TNR: variants seen among roughly 807,000 people sequenced by gnomAD.
The protein encoded by TNR is tenascin-R.
TNR carries 45 observed loss-of-function variants against 150.4 expected under a neutral mutation model. The observed-to-expected ratio is 0.30, with a 90% CI of 0.24 to 0.38. The LOEUF is 0.38. TNR is among the 10% of genes least tolerant of loss of function. The pLI is 1.00. For missense variants in TNR, 1,544 were observed against 1,759.1 expected (o/e 0.88, Z 2.19); for synonymous variants, 687 against 678.4 (o/e 1.01, Z -0.20).
At chr1:175,380,658 T>C (rs1288489528) in intron 8 of TNR, among the ~76,000 whole-genome samples, 1 of 151,876 alleles carries the variant, frequency 6.6e-6, no homozygotes, top group Admixed American at 6.5e-5. Flanking sequence ...TCAACCACAA[T>C]GCTTGTTCTC....
chr1:175,361,680 T>G (rs1173009727), intron 14 of TNR, among the ~76,000 whole-genome samples: 2 of 152,194 alleles, frequency 1.3e-5, no homozygotes, highest in Non-Finnish European at 2.9e-5. Context: ...CCAGTGAAAT[T>G]AAGCAACTGT....
intron 1 of TNR, among the ~76,000 whole-genome samples, chr1:175,677,147 G>A (rs1486513976): frequency 6.6e-6 from 1 of 152,222 alleles, no homozygotes; most frequent in Non-Finnish European, 1.5e-5. Context: ...AGAAGGGCTG[G>A]CATATAACTG....
chr1:175,516,287 G>A (rs1210076263), intron 2 of TNR, among the ~76,000 whole-genome samples: 2 of 152,152 alleles, frequency 1.3e-5, no homozygotes, highest in Non-Finnish European at 2.9e-5. Context: ...ATTAAAGGGG[G>A]ACTCAGTGAA....
chr1:175,450,452 T>C (rs2102092257), intron 2 of TNR, among the ~76,000 whole-genome samples: 1 of 152,374 alleles, frequency 6.6e-6, no homozygotes, highest in African/African-American at 2.4e-5. Context: ...ACCTCCCTGA[T>C]AGCCGAGGAC....
intron 1 of TNR, among the ~76,000 whole-genome samples, chr1:175,633,562 T>G (rs942575490): frequency 2.0e-5 from 3 of 152,206 alleles, no homozygotes; most frequent in Non-Finnish European, 4.4e-5. Context: ...TACAATTAAT[T>G]AAATATTCTG....
At chr1:175,653,527 T>C (rs1665068609) in intron 1 of TNR, among the ~76,000 whole-genome samples, 1 of 152,054 alleles carries the variant, frequency 6.6e-6, no homozygotes, top group South Asian at 2.1e-4. Flanking sequence ...CACTGGGAAG[T>C]CAGGGAAAAT....
At chr1:175,392,569 C>T (rs967921995) in intron 6 of TNR, among the ~76,000 whole-genome samples, 2 of 152,156 alleles carry the variant, frequency 1.3e-5, no homozygotes, top group African/African-American at 2.4e-5. Context: ...TTGACATGAT[C>T]GTTTCAATTG....
At chr1:175,379,179 C>CAAAA (rs148710947) in intron 9 of TNR, among the ~76,000 whole-genome samples, 1 of 114,796 alleles carries the variant, frequency 8.7e-6, no homozygotes. Context: ...AACTCCGTCT[C>CAAAA]AAAAAAAAAA....
At chr1:175,501,481 G>T (rs1658734756) in intron 2 of TNR, among the ~76,000 whole-genome samples, 1 of 152,200 alleles carries the variant, frequency 6.6e-6, no homozygotes, top group South Asian at 2.1e-4. Flanking sequence ...AACTGACCCA[G>T]CTGAAACATT....
chr1:175,345,964 A>T (rs1473114357), intron 18 of TNR, among the ~76,000 whole-genome samples: 1 of 152,180 alleles, frequency 6.6e-6, no homozygotes, highest in Non-Finnish European at 1.5e-5. Flanking sequence ...AAAGAACAGG[A>T]ACCGGATTAA....
At chr1:175,477,643 A>G (rs914372452) in intron 2 of TNR, among the ~76,000 whole-genome samples, 2 of 152,228 alleles carry the variant, frequency 1.3e-5, no homozygotes, top group African/African-American at 4.8e-5. Flanking sequence ...GAAAGATGCT[A>G]CTGGCTTGGG....
chr1:175,696,756 G>A (rs1666539272), intron 1 of TNR, among the ~76,000 whole-genome samples: 1 of 152,068 alleles, frequency 6.6e-6, no homozygotes, highest in South Asian at 2.1e-4. Context: ...GCACATGCCT[G>A]TAATCCCAGC....
chr1:175,532,503 G>A (rs1358636525), intron 1 of TNR, among the ~76,000 whole-genome samples: 1 of 152,144 alleles, frequency 6.6e-6, no homozygotes, highest in Non-Finnish European at 1.5e-5. Flanking sequence ...TGACCCACTG[G>A]TATTGGCAAG....
At chr1:175,664,829 G>C (rs1006892529) in intron 1 of TNR, among the ~76,000 whole-genome samples, 3 of 152,330 alleles carry the variant, frequency 2.0e-5, no homozygotes, top group Non-Finnish European at 4.4e-5. Context: ...GCTGGAATGT[G>C]GGGCTGTTAG....
intron 2 of TNR, among the ~76,000 whole-genome samples, chr1:175,511,582 A>G (rs999904627): frequency 2.6e-5 from 4 of 152,232 alleles, no homozygotes; most frequent in African/African-American, 9.6e-5. Flanking sequence ...GAGAAGTAAC[A>G]TTCCTGACTC....
chr1:175,675,625 G>A (rs1031847812), intron 1 of TNR, among the ~76,000 whole-genome samples: 1 of 152,190 alleles, frequency 6.6e-6, no homozygotes, highest in Non-Finnish European at 1.5e-5. Context: ...GGGCATATCT[G>A]CACATCCTTC....
intron 1 of TNR, among the ~76,000 whole-genome samples, chr1:175,574,555 A>G (rs761534185): frequency 3.9e-5 from 6 of 152,156 alleles, no homozygotes; most frequent in Non-Finnish European, 8.8e-5. Context: ...GCTATCTTCT[A>G]CCTTCTTCCC....
intron 18 of TNR, among the ~76,000 whole-genome samples, chr1:175,340,900 C>T (rs1650489367): frequency 1.3e-5 from 2 of 152,194 alleles, no homozygotes; most frequent in South Asian, 4.1e-4. Flanking sequence ...CTCTCCCCCT[C>T]TTTCCCTTTC....
intron 1 of TNR, among the ~76,000 whole-genome samples, chr1:175,539,616 C>T (rs887568258): frequency 6.6e-6 from 1 of 152,096 alleles, no homozygotes; most frequent in African/African-American, 2.4e-5. Context: ...AAACACAGAC[C>T]CTCTCCCATT....
Sources: allele counts gnomAD v4.1 joint callset (sites outside exome capture counted in the v4.1 genomes callset), GRCh38; gene constraint gnomAD v4.1.1; transcripts MANE v1.5; gene names NCBI Gene and HGNC (gene_info 2026-07-23, HGNC 2026-07-21).